Variants in BAZ1B observed in about 807,000 individuals in gnomAD.
The protein encoded by BAZ1B is tyrosine-protein kinase BAZ1B.
BAZ1B carries 22 observed loss-of-function variants against 153.8 expected under a neutral mutation model. The observed-to-expected ratio is 0.14, with a 90% CI of 0.10 to 0.20. BAZ1B has a LOEUF of 0.20. Among genes scored for constraint, BAZ1B ranks in the 10% least tolerant of loss-of-function variants. BAZ1B has a pLI of 1.00. For missense variants in BAZ1B, 1,325 were observed against 1,799.3 expected, an observed-to-expected ratio of 0.74 and a Z score of 4.77; for synonymous variants, 676 against 633.4, an observed-to-expected ratio of 1.07 and a Z score of -1.01.
chr7:73,481,737 G>A (rs1014165008), intron 6 of BAZ1B, among the ~76,000 whole-genome samples: 2 of 151,674 alleles, frequency 1.3e-5, no homozygotes, highest in South Asian at 2.1e-4. Context: ...TTTGTTGCCT[G>A]ATTAAAACTG....
intron 17 of BAZ1B, 117 bp downstream of exon 17, chr7:73,443,866 TG>T: frequency 6.7e-7 from 1 of 1,487,646 alleles, no homozygotes; most frequent in Non-Finnish European, 9.2e-7. Context: ...CTCCCAAGTT[TG>T]GTAAGAAGGA....
At chr7:73,442,606 T>TGCCA in intron 18 of BAZ1B, 53 bp from the exon 19 acceptor site, 1 of 1,564,036 alleles carries the variant, frequency 6.4e-7, no homozygotes, top group East Asian at 2.3e-5. Flanking sequence ...GCAGTGCCCC[T>TGCCA]GCCACTGAGA....
Position 73,478,198 on chromosome 7 carries a change from G to C in BAZ1B, c.1263C>G (p.Ser421=). 6.2e-7 allele frequency: 1 copy of C among 1,613,850 alleles called. No individual in the cohort carries two copies. Among genetic ancestry groups the C allele is most frequent in the Non-Finnish European group, 8.5e-7 (1 of 1,179,960 alleles). The change falls in exon 7 of 20, where the codon TCC becomes TCG. Residue 421 remains serine (S), a synonymous_variant. Transcript: ENST00000339594. ...TCTTCAGTCCTTTTTTGGGAGATTT[G>C]GAATTCCCTGTGGATTTCTGTCCAT... ...ILNGQKSTGN[S]KSPKKGLKTP...
At chr7:73,506,423 C>G (rs1790343729) in intron 3 of BAZ1B, among the ~76,000 whole-genome samples, 1 of 147,928 alleles carries the variant, frequency 6.8e-6, no homozygotes. Flanking sequence ...GGCGTGAACC[C>G]AGGAGGCGAA....
chr7:73,509,300 C>T (rs1790479569), intron 2 of BAZ1B, among the ~76,000 whole-genome samples: 1 of 151,992 alleles, frequency 6.6e-6, no homozygotes, highest in African/African-American at 2.4e-5. Flanking sequence ...CCAGCCTGGG[C>T]AACAGAGAGA....
At chr7:73,464,866 C>T (rs1171482307) in intron 11 of BAZ1B, among the ~76,000 whole-genome samples, 2 of 151,918 alleles carry the variant, frequency 1.3e-5, no homozygotes, top group African/African-American at 4.8e-5. Context: ...GCTAAGACTA[C>T]ATACACAAAC....
intron 16 of BAZ1B, among the ~76,000 whole-genome samples, chr7:73,445,737 G>A (rs1430835566): frequency 6.6e-6 from 1 of 152,136 alleles, no homozygotes; most frequent in African/African-American, 2.4e-5. Context: ...GCACGTGCCT[G>A]TAGTCCCAGC....
intron 13 of BAZ1B, among the ~76,000 whole-genome samples, chr7:73,454,803 A>G (rs1325399920): frequency 3.3e-5 from 5 of 152,130 alleles, no homozygotes; most frequent in African/African-American, 1.2e-4. Context: ...ACACCACAGT[A>G]AGCGTCCCCT....
chr7:73,459,827 T>C lies in BAZ1B; in HGVS notation c.3250-109A>G, dbSNP rs1464728015. On this transcript the variant is annotated intron_variant, in intron 12 of 19. Coordinates refer to ENST00000339594, the MANE Select transcript of BAZ1B (RefSeq NM_032408.4). The stretch of plus-strand genomic sequence containing the variant: ...AGACTCAAATGCCACATAACATTCA[T>C]TAAACAAAATCGAGAGCCACATACC... 9.4e-6 allele frequency: 9 copies of C among 960,766 alleles called. No individual in the cohort carries two copies. The Admixed American group carries it at 2.5e-4, about 27-fold the overall frequency. The allele number at this position is 960,766 out of a possible 1,614,324, so 59.5% of individuals were successfully genotyped here.
intron 4 of BAZ1B, among the ~76,000 whole-genome samples, chr7:73,496,377 A>G (rs782417994): frequency 3.3e-5 from 5 of 152,238 alleles, no homozygotes; most frequent in Non-Finnish European, 7.3e-5. Context: ...TTCGAACTAC[A>G]TTAAGAAAGT....
intron 13 of BAZ1B, among the ~76,000 whole-genome samples, chr7:73,454,307 G>A (rs1428573773): frequency 1.3e-5 from 2 of 152,012 alleles, no homozygotes; most frequent in African/African-American, 4.8e-5. Flanking sequence ...AAAAAGTAAA[G>A]ACATTTTTAA....
At chr7:73,456,609 TATCCATTAGGATGGATACTATTA>T (rs1788209832) in intron 13 of BAZ1B, among the ~76,000 whole-genome samples, 1 of 152,144 alleles carries the variant, frequency 6.6e-6, no homozygotes, top group Non-Finnish European at 1.5e-5. Context: ...TACAACTTCA[TATCCATTAGGATGGATACTATTA>T]AAGAAACAGG....
chr7:73,500,375 A>T (rs1299135043), intron 3 of BAZ1B, among the ~76,000 whole-genome samples: 3 of 150,842 alleles, frequency 2.0e-5, no homozygotes, highest in African/African-American at 7.3e-5. Context: ...TCATCTCTAC[A>T]AAAAACACAA....
intron 14 of BAZ1B, 90 bp from the exon 15 acceptor site, chr7:73,449,779 G>C (rs1187103663): frequency 1.4e-6 from 2 of 1,391,618 alleles, no homozygotes; most frequent in African/African-American, 1.4e-5. Flanking sequence ...ACAATTCAAG[G>C]CACACGAGGA....
intron 9 of BAZ1B, 142 bp downstream of exon 9, chr7:73,469,375 A>G: frequency 2.0e-6 from 2 of 1,013,452 alleles, no homozygotes; most frequent in Non-Finnish European, 2.8e-6. Context: ...CACATTTCAC[A>G]TCTACCTACT....
At chr7:73,442,032 C>T (rs1554565142) in intron 19 of BAZ1B, 149 bp downstream of exon 19, 2 of 621,570 alleles carry the variant, frequency 3.2e-6, no homozygotes, top group Non-Finnish European at 2.8e-6. Flanking sequence ...AACCCAATAT[C>T]AAGCCCCATA....
At chr7:73,444,964 A>C (rs1268870072) in intron 16 of BAZ1B, among the ~76,000 whole-genome samples, 1 of 152,132 alleles carries the variant, frequency 6.6e-6, no homozygotes, top group Non-Finnish European at 1.5e-5. Flanking sequence ...CAGTGAGCCG[A>C]GATCACGCCA....
chr7:73,493,417 G>A (rs1255078615), intron 4 of BAZ1B, among the ~76,000 whole-genome samples: 17 of 152,024 alleles, frequency 1.1e-4, no homozygotes, highest in Admixed American at 4.6e-4. Flanking sequence ...CCAAGATCAC[G>A]CCATTGCACT....
intron 6 of BAZ1B, among the ~76,000 whole-genome samples, chr7:73,483,730 C>T (rs1385908438): frequency 2.0e-5 from 3 of 152,078 alleles, no homozygotes; most frequent in African/African-American, 4.8e-5. Flanking sequence ...CAACCTTGAC[C>T]TCCTGGGCTC....
Sources: allele counts gnomAD v4.1 joint callset (sites outside exome capture counted in the v4.1 genomes callset), GRCh38; gene constraint gnomAD v4.1.1; transcripts MANE v1.5; gene names NCBI Gene and HGNC (gene_info 2026-07-23, HGNC 2026-07-21).